The following IMMT variants were observed in gnomAD, a reference collection of about 807,000 sequenced individuals.
IMMT encodes inner membrane mitochondrial protein.
Under a neutral mutation model 92.7 loss-of-function variants are expected in IMMT, and 40 were observed. The observed-to-expected ratio is 0.43, with a 90% CI of 0.34 to 0.56. The LOEUF is 0.56. Among genes scored for constraint, IMMT ranks in the 20% least tolerant of loss-of-function variants. The pLI is 0.03. For synonymous variants in IMMT, 322 were observed against 336.1 expected, an observed-to-expected ratio of 0.96 and a Z score of 0.46; for missense variants, 831 against 912.1, an observed-to-expected ratio of 0.91 and a Z score of 1.14.
rs527974000 is a variant in IMMT, at chr2:86,151,432, C to T, written c.1266G>A (p.Gln422=). The part of the protein sequence containing the change: ...IDQLNRELAE[Q]KATEKQHITL... The stretch of plus-strand genomic sequence containing the variant: ...TGATGTGCTGCTTTTCGGTGGCCTT[C>T]TGTTCTGCCAGCTCTCTGTTCAGCT... The change falls in exon 12 of 15, where the codon CAG becomes CAA. Residue 422 remains glutamine, a synonymous_variant. Coordinates refer to ENST00000410111, the MANE Select transcript of IMMT (RefSeq NM_006839.3). 6.2e-7 allele frequency: 1 copy of T among 1,613,984 alleles called. No homozygotes were observed. Among genetic ancestry groups the T allele is most frequent in the East Asian group, 2.2e-5 (1 of 44,882 alleles).
chr2:86,159,758 A>G, intron 8 of IMMT, 87 bp from the exon 9 acceptor site: 1 of 1,180,892 alleles, frequency 8.5e-7, no homozygotes, highest in Non-Finnish European at 1.2e-6. Context: ...ATAATTGTTA[A>G]AAGTCTATGA....
Position 86,158,665 on chromosome 2 carries a change from G to A in IMMT, c.1089C>T (p.Val363=), listed in dbSNP as rs779177520. 1.7e-5 allele frequency: 27 copies of A among 1,603,970 alleles called. No homozygotes were observed. The highest frequency in any genetic ancestry group is 1.1e-4 in the East Asian group (5 of 44,722). ...KVVSQYHELV[V]QARDDFKREL... is the part of the protein sequence containing the mutation. ...CTCGTTTAAAGTCATCCCGAGCTTGGACCACCAGCTCATGATACTGAGATA... is the reference window on the plus strand; with the variant it reads ...CTCGTTTAAAGTCATCCCGAGCTTGAACCACCAGCTCATGATACTGAGATA... The change falls in exon 10 of 15, where the codon GTC becomes GTT. Residue 363 remains valine, a synonymous_variant. Transcript: ENST00000410111.
At chr2:86,188,402 C>T (rs1287377947) in intron 1 of IMMT, among the ~76,000 whole-genome samples, 1 of 151,960 alleles carries the variant, frequency 6.6e-6, no homozygotes, top group African/African-American at 2.4e-5. Flanking sequence ...CACACACGCG[C>T]ACACACACAC....
rs1675463646 is a variant in IMMT at position 86,151,454 on chromosome 2, A to G, written c.1244T>C (p.Leu415Pro). Residue 415 changes from leucine to proline, a missense_variant, in exon 12 of 15, where the codon CTG becomes CCG. Transcript: ENST00000410111. ...CTTCTGTTCTGCCAGCTCTCTGTTC[A>G]GCTGATCAATACGACGATGTGCATG... Reference protein sequence around the residue: ...IAHAHRRIDQLNRELAEQKAT... With the variant: ...IAHAHRRIDQPNRELAEQKAT... 3 of 1,613,898 alleles carry G rather than the reference A, an allele frequency of 1.9e-6. No homozygotes were observed. The highest frequency in any genetic ancestry group is 1.7e-5 in the Admixed American group (1 of 60,000).
intron 13 of IMMT, 27 bp downstream of exon 13, chr2:86,147,675 G>A: frequency 6.2e-7 from 1 of 1,601,286 alleles, no homozygotes; most frequent in Non-Finnish European, 8.5e-7. Flanking sequence ...GAAGAGGGGT[G>A]TGGCTGAAGG....
intron 7 of IMMT, 117 bp downstream of exon 7, chr2:86,166,391 G>A (rs976589596): frequency 5.4e-5 from 45 of 831,374 alleles, no homozygotes; most frequent in Non-Finnish European, 7.1e-5. Context: ...AGAGAAAGCC[G>A]ATATCATACG....
chr2:86,160,472 G>A (rs925867655), intron 8 of IMMT, among the ~76,000 whole-genome samples: 15 of 152,156 alleles, frequency 9.9e-5, no homozygotes, highest in African/African-American at 1.2e-4. Context: ...TCATAAGTCC[G>A]TCAGACTGTG....
intron 7 of IMMT, among the ~76,000 whole-genome samples, chr2:86,165,936 C>A (rs1017247036): frequency 6.6e-6 from 1 of 152,202 alleles, no homozygotes; most frequent in African/African-American, 2.4e-5. Flanking sequence ...CAAATCTGAA[C>A]TAATTCTTGC....
At chr2:86,178,873 C>A (rs1677633397) in intron 3 of IMMT, among the ~76,000 whole-genome samples, 1 of 152,102 alleles carries the variant, frequency 6.6e-6, no homozygotes, top group African/African-American at 2.4e-5. Flanking sequence ...ACCAGTCTGG[C>A]CAACATGGTG....
intron 8 of IMMT, 79 bp downstream of exon 8, chr2:86,161,897 C>T: frequency 1.2e-6 from 1 of 851,196 alleles, no homozygotes; most frequent in Non-Finnish European, 1.9e-6. Flanking sequence ...TTATTCTATA[C>T]AGACAATACA....
At chr2:86,167,487 T>G (rs1217527670) in intron 6 of IMMT, among the ~76,000 whole-genome samples, 14 of 67,214 alleles carry the variant, frequency 2.1e-4, no homozygotes, top group African/African-American at 5.4e-4. Flanking sequence ...GTTTTTTGTT[T>G]TTTTTTTTTT....
At chr2:86,185,104 C>T (rs528994110) in intron 1 of IMMT, among the ~76,000 whole-genome samples, 5 of 151,838 alleles carry the variant, frequency 3.3e-5, no homozygotes, top group African/African-American at 9.7e-5. Context: ...AGCATGAACC[C>T]GGGAGGCAGA....
At chr2:86,184,672 T>C (rs1672638445) in intron 1 of IMMT, among the ~76,000 whole-genome samples, 1 of 151,718 alleles carries the variant, frequency 6.6e-6, no homozygotes, top group South Asian at 2.1e-4. Context: ...CTGAAGAACC[T>C]TGAAGAGACT....
chr2:86,161,357 T>TCA (rs1159169694), intron 8 of IMMT, among the ~76,000 whole-genome samples: 1 of 151,476 alleles, frequency 6.6e-6, no homozygotes, highest in Non-Finnish European at 1.5e-5. Context: ...AGACAGGGTC[T>TCA]CACCATGTTG....
chr2:86,186,926 G>A (rs1009467250), intron 1 of IMMT, among the ~76,000 whole-genome samples: 3 of 151,920 alleles, frequency 2.0e-5, no homozygotes, highest in Non-Finnish European at 2.9e-5. Context: ...TCCTATCTTG[G>A]GCCAATGGAA....
At chr2:86,151,273 G>T in intron 12 of IMMT, 24 bp downstream of exon 12, 2 of 1,547,824 alleles carry the variant, frequency 1.3e-6, no homozygotes, top group South Asian at 1.1e-5. Flanking sequence ...TTAAATGTTA[G>T]GCAACAATTC....
chr2:86,166,600 C>T lies in IMMT; in HGVS notation c.700G>A (p.Val234Ile), dbSNP rs745573536. The T allele has an allele frequency of 6.2e-7, 1 of 1,612,570 alleles. No homozygotes were observed. The highest frequency in any genetic ancestry group is 8.5e-7 in the Non-Finnish European group (1 of 1,179,266). ...LEDALRQTAS[V>I]TLQAIAAQNA... The stretch of plus-strand genomic sequence containing the variant: ...TGAGCTGCAATAGCCTGCAGAGTGA[C>T]ACTTGCAGTTTGCCTCAGAGCATCT... The change falls in exon 7 of 15, where the codon GTC (valine) becomes ATC (isoleucine). Residue 234 changes from valine (V) to isoleucine (I), a missense_variant. Val to Ile is a conservative substitution (Grantham distance 29, BLOSUM62 3). Coordinates refer to ENST00000410111, the MANE Select transcript of IMMT (RefSeq NM_006839.3).
chr2:86,184,728 T>TA (rs1672642517), intron 1 of IMMT, among the ~76,000 whole-genome samples: 2 of 141,340 alleles, frequency 1.4e-5, no homozygotes, highest in Admixed American at 7.0e-5. Flanking sequence ...GGTGAGGGCT[T>TA]AAAGAAAAGC....
intron 11 of IMMT, among the ~76,000 whole-genome samples, chr2:86,152,301 C>T (rs1273642178): frequency 6.6e-6 from 1 of 151,896 alleles, no homozygotes; most frequent in Non-Finnish European, 1.5e-5. Context: ...ATTAGCTGGG[C>T]ATGATGGTGG....
Sources: gnomAD v4.1 joint callset for allele counts (sites outside exome capture counted in the v4.1 genomes callset) on GRCh38, gnomAD v4.1.1 for gene constraint, MANE v1.5 for transcripts, NCBI Gene and HGNC (gene_info 2026-07-23, HGNC 2026-07-21) for gene names.